PRKCA: variants seen among roughly 807,000 people sequenced by gnomAD.
The protein encoded by PRKCA is protein kinase C alpha type.
A neutral mutation model predicts 87.0 loss-of-function variants in PRKCA; 27 were observed. That is an observed-to-expected ratio of 0.31 (90% confidence interval 0.23 to 0.43). The LOEUF is 0.43. Ranked by LOEUF, PRKCA falls within the 20% of genes least tolerant of loss-of-function variation. The pLI, the probability that PRKCA is intolerant of heterozygous loss-of-function variation, is 1.00. For missense variants in PRKCA, 518 were observed against 852.3 expected (o/e 0.61, Z 4.88); for synonymous variants, 329 against 311.1 (o/e 1.06, Z -0.61).
At chr17:66,327,383 A>G (rs2143256789) in intron 2 of PRKCA, among the ~76,000 whole-genome samples, 1 of 151,048 alleles carries the variant, frequency 6.6e-6, no homozygotes, top group South Asian at 2.1e-4. Context: ...AAAAAAAAAA[A>G]AAAATTGCTG....
Position 66,773,967 on chromosome 17 carries a change from A to T in PRKCA, c.1525-20A>T. The stretch of plus-strand genomic sequence containing the variant: ...ATTGGACTTACCACTAATGTAATTG[A>T]TGTGTTTGTTTTCACACAGATAATC... On this transcript the variant is annotated intron_variant, in intron 13 of 16. Transcript: ENST00000413366. 1.2e-6 allele frequency: 2 copies of T among 1,613,634 alleles called. No homozygotes were observed. Among genetic ancestry groups the T allele is most frequent in the Non-Finnish European group, 1.7e-6 (2 of 1,179,784 alleles).
chr17:66,490,127 G>A (rs1916172253), intron 2 of PRKCA, among the ~76,000 whole-genome samples: 1 of 152,042 alleles, frequency 6.6e-6, no homozygotes, highest in Admixed American at 6.6e-5. Flanking sequence ...ATGAACACAA[G>A]TAATCATAAA....
intron 2 of PRKCA, among the ~76,000 whole-genome samples, chr17:66,447,742 T>C (rs1335782418): frequency 6.6e-6 from 1 of 152,224 alleles, no homozygotes; most frequent in East Asian, 1.9e-4. Flanking sequence ...CCTGGCCCTT[T>C]GTGCTCCATC....
intron 5 of PRKCA, among the ~76,000 whole-genome samples, chr17:66,661,932 TGCTGCCTTG>T (rs1971916699): frequency 6.6e-6 from 1 of 152,226 alleles, no homozygotes; most frequent in African/African-American, 2.4e-5. Flanking sequence ...CAGGCCACGT[TGCTGCCTTG>T]GCAGACCCTC....
intron 2 of PRKCA, among the ~76,000 whole-genome samples, chr17:66,447,573 G>A (rs1223017792): frequency 6.6e-6 from 1 of 152,222 alleles, no homozygotes; most frequent in East Asian, 1.9e-4. Context: ...CAGGGTGGTA[G>A]CATAGATGAC....
intron 2 of PRKCA, among the ~76,000 whole-genome samples, chr17:66,471,747 G>A (rs185581275): frequency 1.3e-5 from 2 of 149,710 alleles, no homozygotes; most frequent in African/African-American, 2.5e-5. Flanking sequence ...TATCAAATCC[G>A]CAGAGGGTTA....
At chr17:66,655,633 G>A (rs1971716500) in intron 5 of PRKCA, among the ~76,000 whole-genome samples, 1 of 152,130 alleles carries the variant, frequency 6.6e-6, no homozygotes, top group Non-Finnish European at 1.5e-5. Context: ...AGTCCTTTGA[G>A]GTCAGAGATA....
intron 8 of PRKCA, among the ~76,000 whole-genome samples, chr17:66,691,744 C>T (rs1408633465): frequency 6.7e-6 from 1 of 149,982 alleles, no homozygotes; most frequent in Non-Finnish European, 1.5e-5. Flanking sequence ...GTGTTGATCA[C>T]GAGCAGTCAC....
chr17:66,393,316 T>A (rs1247257053), intron 2 of PRKCA, among the ~76,000 whole-genome samples: 1 of 152,186 alleles, frequency 6.6e-6, no homozygotes, highest in Non-Finnish European at 1.5e-5. Flanking sequence ...CAGCCCCAGC[T>A]TCTGATGATT....
chr17:66,679,338 A>G (rs563090910), intron 5 of PRKCA, among the ~76,000 whole-genome samples: 1 of 151,844 alleles, frequency 6.6e-6, no homozygotes, highest in African/African-American at 2.4e-5. Flanking sequence ...CCGCCACCAC[A>G]CCCGGCTAAT....
intron 13 of PRKCA, among the ~76,000 whole-genome samples, chr17:66,766,347 G>GCTC (rs2144314868): frequency 6.7e-6 from 1 of 148,530 alleles, no homozygotes; most frequent in East Asian, 2.0e-4. Context: ...CAGAAACAGG[G>GCTC]CTCCCACACC....
chr17:66,311,225 T>C (rs1241758283), intron 2 of PRKCA, among the ~76,000 whole-genome samples: 1 of 152,196 alleles, frequency 6.6e-6, no homozygotes, highest in Non-Finnish European at 1.5e-5. Flanking sequence ...AGAGTTTTTG[T>C]AGTAATGCCA....
At chr17:66,695,426 C>T (rs996741748) in intron 8 of PRKCA, among the ~76,000 whole-genome samples, 1 of 152,198 alleles carries the variant, frequency 6.6e-6, no homozygotes. Context: ...TTTCAACGAA[C>T]TCATTTCTAC....
At chr17:66,665,053 C>T (rs1972008918) in intron 5 of PRKCA, among the ~76,000 whole-genome samples, 1 of 152,140 alleles carries the variant, frequency 6.6e-6, no homozygotes, top group South Asian at 2.1e-4. Context: ...TCCCCGAACT[C>T]ATGGTGCCTG....
At chr17:66,473,673 C>A (rs1417366378) in intron 2 of PRKCA, among the ~76,000 whole-genome samples, 2 of 152,062 alleles carry the variant, frequency 1.3e-5, no homozygotes. Context: ...AAGCCAACAC[C>A]CCTGTAATCC....
Position 66,614,982 on chromosome 17 carries a change from T to A in PRKCA, c.289-26373T>A, listed in dbSNP as rs531743260. Among the ~76,000 whole-genome samples, 4 of 152,240 alleles carry A rather than the reference T, an allele frequency of 2.6e-5. No individual in the cohort carries two copies. In the South Asian group the frequency reaches 8.3e-4, roughly 32 times the overall value. ...GAGTAGGGAGGGGGTGGGCCAGGGC[T>A]TCAGAGCAGTTCCACAGTCATCAGG... On this transcript the variant is annotated intron_variant, in intron 3 of 16. Transcript: ENST00000413366.
At chr17:66,675,526 T>C (rs1296195278) in intron 5 of PRKCA, among the ~76,000 whole-genome samples, 4 of 152,174 alleles carry the variant, frequency 2.6e-5, no homozygotes, top group African/African-American at 9.7e-5. Context: ...CCTCGGTCCC[T>C]GCAGAACCAG....
chr17:66,317,561 C>T (rs570695629), intron 2 of PRKCA, among the ~76,000 whole-genome samples: 101 of 152,232 alleles, frequency 6.6e-4, no homozygotes, highest in African/African-American at 2.3e-3. Flanking sequence ...CCATTGCAGT[C>T]GTTTTTTTAG....
At chr17:66,419,657 G>T (rs908044111) in intron 2 of PRKCA, among the ~76,000 whole-genome samples, 1 of 151,486 alleles carries the variant, frequency 6.6e-6, no homozygotes, top group Non-Finnish European at 1.5e-5. Flanking sequence ...AATTTTTTTT[G>T]GTTCAAAGTT....
Sources: allele counts gnomAD v4.1 joint callset (sites outside exome capture counted in the v4.1 genomes callset), GRCh38; gene constraint gnomAD v4.1.1; transcripts MANE v1.5; gene names NCBI Gene and HGNC (gene_info 2026-07-23, HGNC 2026-07-21).